MRPL19: variants seen among roughly 807,000 people sequenced by gnomAD.
MRPL19 encodes mitochondrial ribosomal protein L19, also known as large ribosomal subunit protein bL19m.
Under a neutral mutation model 34.0 loss-of-function variants are expected in MRPL19, and 31 were observed. That is an observed-to-expected ratio of 0.91 (90% CI 0.68 to 1.23). The LOEUF (loss-of-function observed/expected upper bound fraction) is 1.23. Among genes scored for constraint, MRPL19 ranks in the 50% most tolerant of loss-of-function variants. The probability of loss-of-function intolerance (pLI) is 0.00; values close to 1 mark genes in which losing one functional copy is unlikely to be tolerated. For synonymous variants in MRPL19, 152 were observed against 127.7 expected (o/e 1.19, Z -1.28); for missense variants, 384 against 367.6 (o/e 1.04, Z -0.37).
rs1678509533 is a variant in MRPL19 at position 75,658,261 on chromosome 2, A to G, written c.*2976A>G. On this transcript the variant is annotated 3_prime_UTR_variant, in exon 6 of 6. Coordinates refer to ENST00000393909, the MANE Select transcript of MRPL19 (RefSeq NM_014763.4). ...TTTTTTGTAGAGATGTGGTCTTGCT[A>G]TGTTTCCCATGCTGGTCTTGAGTTC... is the stretch of plus-strand genomic sequence containing the variant. Among the ~76,000 whole-genome samples, 1 of 152,004 alleles carries G rather than the reference A, an allele frequency of 6.6e-6. No individual in the cohort carries two copies. Among genetic ancestry groups the G allele is most frequent in the Admixed American group, 6.6e-5 (1 of 15,252 alleles).
chr2:75,660,488 C>T lies in MRPL19; in HGVS notation c.*5203C>T, dbSNP rs1349210982. The T allele has an allele frequency of 1.3e-5, 2 of 152,132 alleles. No individual in the cohort carries two copies. The highest frequency in any genetic ancestry group is 4.8e-5 in the African/African-American group (2 of 41,426). 9.4% of individuals were successfully genotyped at this position (152,132 alleles called of 1,614,324 possible). Reference sequence around the variant, plus strand: ...TGGCCCTGAAAATCAGATATTCCCCCCTTCCTGAGAGTTAGTTTTATTTTT... The same window carrying T: ...TGGCCCTGAAAATCAGATATTCCCCTCTTCCTGAGAGTTAGTTTTATTTTT... On this transcript the variant is annotated 3_prime_UTR_variant, in exon 6 of 6. Coordinates refer to ENST00000393909, the MANE Select transcript of MRPL19 (RefSeq NM_014763.4).
chr2:75,647,544 T>G, intron 2 of MRPL19: 1 of 229,000 alleles, frequency 4.4e-6, no homozygotes, highest in Non-Finnish European at 8.5e-6. Flanking sequence ...CCAAGAGCTC[T>G]TCTTTTCTCT....
rs776092649 is a variant in MRPL19 at position 75,654,759 on chromosome 2, TA to T, written c.500del (p.Tyr167LeufsTer13). On this transcript the variant is annotated frameshift_variant, in exon 5 of 6. Transcript: ENST00000393909. LOFTEE classifies it high-confidence loss of function. ...AGGTGTCGAGATTTGCTTTGAACTT[TA>T]TAATCCTCGGGTCCAGGAGATTCAG... Reference protein sequence around the residue: ...GQGVEICFELYNPRVQEIQVV... With the variant: ...GQGVEICFELXNPRVQEIQVV... 2.5e-6 allele frequency: 4 copies of T among 1,613,680 alleles called. No homozygotes were observed. Among genetic ancestry groups the T allele is most frequent in the Non-Finnish European group, 3.4e-6 (4 of 1,179,800 alleles).
intron 2 of MRPL19, chr2:75,651,255 A>G (rs987790078): frequency 1.2e-5 from 6 of 481,512 alleles, no homozygotes; most frequent in Admixed American, 8.4e-5. Flanking sequence ...TCATCCAAGG[A>G]AGAGAAAATG....
chr2:75,658,060 C>G lies in MRPL19; in HGVS notation c.*2775C>G, dbSNP rs1272956256. 6.6e-6 allele frequency among the ~76,000 whole-genome samples: 1 copy of G among 152,016 alleles called. No homozygotes were observed. Among genetic ancestry groups the G allele is most frequent in the East Asian group, 1.9e-4 (1 of 5,194 alleles). On this transcript the variant is annotated 3_prime_UTR_variant, in exon 6 of 6. Transcript: ENST00000393909. Reference sequence around the variant, plus strand: ...ACCTCATTCCTGTATCTCTCCCAACCCCAGGTAACCTCAAATCTTTCTTTT... The same window carrying G: ...ACCTCATTCCTGTATCTCTCCCAACGCCAGGTAACCTCAAATCTTTCTTTT...
rs943056238 is a variant in MRPL19, at chr2:75,659,451, T to C, written c.*4166T>C. Among the ~76,000 whole-genome samples, 28 of 152,254 alleles carry C rather than the reference T, an allele frequency of 1.8e-4. 1 individual carries two copies. Among genetic ancestry groups the C allele is most frequent in the African/African-American group, 6.5e-4 (27 of 41,556 alleles). ...CTGACTTTTATATTTGTCAATATATTTATCTTATTTTGGATCCTTATTTCA... is the reference window on the plus strand; with the variant it reads ...CTGACTTTTATATTTGTCAATATATCTATCTTATTTTGGATCCTTATTTCA... On this transcript the variant is annotated 3_prime_UTR_variant, in exon 6 of 6. Transcript: ENST00000393909.
chr2:75,646,965 G>A lies in MRPL19; in HGVS notation c.103+55G>A, dbSNP rs41285999. The A allele has an allele frequency of 1.1e-5, 16 of 1,504,172 alleles. No individual in the cohort carries two copies. In the African/African-American group the frequency reaches 2.1e-4, roughly 19 times the overall value. 93.2% of individuals were successfully genotyped at this position (1,504,172 alleles called of 1,614,324 possible). ...CGCGTTAGGGGCCCAGGGTCAGGAT[G>A]GGGGAGGCGAACCTGGAGATCAGAG... On this transcript the variant is annotated intron_variant, in intron 1 of 5. Transcript: ENST00000393909.
rs933325372 is a variant in MRPL19, at chr2:75,657,360, T to C, written c.*2075T>C. ...CCTAGAATAGAGGCTTCCAATCTCCTTCCTGGAGGGGTCTGTCCAGGAAGG... is the reference window on the plus strand; with the variant it reads ...CCTAGAATAGAGGCTTCCAATCTCCCTCCTGGAGGGGTCTGTCCAGGAAGG... On this transcript the variant is annotated 3_prime_UTR_variant, in exon 6 of 6. Coordinates refer to ENST00000393909, the MANE Select transcript of MRPL19 (RefSeq NM_014763.4). 2.0e-5 allele frequency: 3 copies of C among 152,106 alleles called. No homozygotes were observed. The highest frequency in any genetic ancestry group is 7.2e-5 in the African/African-American group (3 of 41,440). The allele number at this position is 152,106 out of a possible 1,614,324, so 9.4% of individuals were successfully genotyped here.
At chr2:75,651,521 C>G (rs1316647266) in intron 2 of MRPL19, 1 of 488,296 alleles carries the variant, frequency 2.0e-6, no homozygotes, top group Non-Finnish European at 4.1e-6. Context: ...ATAGGTGTTA[C>G]AGTTGTCAGA....
At chr2:75,647,901 T>G (rs1475897833) in intron 2 of MRPL19, among the ~76,000 whole-genome samples, 1 of 152,124 alleles carries the variant, frequency 6.6e-6, no homozygotes, top group African/African-American at 2.4e-5. Flanking sequence ...TTTTTAAATT[T>G]TTTTTAGACA....
chr2:75,649,923 C>T (rs1678297290), intron 2 of MRPL19, among the ~76,000 whole-genome samples: 1 of 152,202 alleles, frequency 6.6e-6, no homozygotes, highest in Non-Finnish European at 1.5e-5. Flanking sequence ...TAAGCTACCA[C>T]ACCTGGCTGA....
rs1319275258 is a variant in MRPL19, at chr2:75,659,671, T to G, written c.*4386T>G. Among the ~76,000 whole-genome samples the G allele has an allele frequency of 6.6e-6, 1 of 152,172 alleles. No individual in the cohort carries two copies. The highest frequency in any genetic ancestry group is 2.4e-5 in the African/African-American group (1 of 41,456). On this transcript the variant is annotated 3_prime_UTR_variant, in exon 6 of 6. Transcript: ENST00000393909. ...TGAATTTTTGGTAACAGTATTTTTCTTTCAGCACTTTAAATATGTCATCCC... is the reference window on the plus strand; with the variant it reads ...TGAATTTTTGGTAACAGTATTTTTCGTTCAGCACTTTAAATATGTCATCCC...
rs373385427 is a variant in MRPL19 at position 75,654,740 on chromosome 2, C to T, written c.480C>T (p.Val160=). 2.0e-5 allele frequency: 33 copies of T among 1,613,196 alleles called. No individual in the cohort carries two copies. The highest frequency in any genetic ancestry group is 1.3e-4 in the African/African-American group (10 of 74,956). The stretch of plus-strand genomic sequence containing the variant: ...TATGTTTTCTGTTCTATTTAGGTGT[C>T]GAGATTTGCTTTGAACTTTATAATC... ...ILRNVIEGQG[V]EICFELYNPR... is the part of the protein sequence containing the mutation. The change falls in exon 5 of 6, where the codon GTC becomes GTT. Residue 160 remains valine (V), a synonymous_variant. Transcript: ENST00000393909.
rs1447117927 is a variant in MRPL19 at position 75,647,178 on chromosome 2, G to A, written c.180G>A (p.Pro60=). ...EPGAFQPPPK[P]VIVDKHRPVE... ...GTGCGTTCCAACCGCCGCCGAAACC[G>A]GTCATCGTGGACAAGCACCGCCCCG... Residue 60 remains proline, a synonymous_variant, in exon 2 of 6, where the codon CCG becomes CCA. Coordinates refer to ENST00000393909, the MANE Select transcript of MRPL19 (RefSeq NM_014763.4). 2 of 1,580,374 alleles carry A rather than the reference G, an allele frequency of 1.3e-6. No homozygotes were observed. The highest frequency in any genetic ancestry group is 1.2e-5 in the South Asian group (1 of 86,256).
At position 75,658,716 on chromosome 2, in the gene MRPL19, TGATA is replaced by T. The variant is rs1490698424; in HGVS notation, c.*3435_*3438del. ...TGTTTTTGAGAATTGGTGTGTGGCC[TGATA>T]GATGGTCTGTCCTGGAGAATGTTCC... On this transcript the variant is annotated 3_prime_UTR_variant, in exon 6 of 6. Coordinates refer to ENST00000393909, the MANE Select transcript of MRPL19 (RefSeq NM_014763.4). 2.0e-5 allele frequency among the ~76,000 whole-genome samples: 3 copies of T among 152,152 alleles called. No homozygotes were observed. The highest frequency in any genetic ancestry group is 7.2e-5 in the African/African-American group (3 of 41,444).
At position 75,655,939 on chromosome 2, in the gene MRPL19, C is replaced by T. The variant is rs938518955; in HGVS notation, c.*654C>T. Reference sequence around the variant, plus strand: ...CAGTATTACTATTATTGCATGAAGGCTTCAAGGGAAACGTTACAGTCTTTG... The same window carrying T: ...CAGTATTACTATTATTGCATGAAGGTTTCAAGGGAAACGTTACAGTCTTTG... On this transcript the variant is annotated 3_prime_UTR_variant, in exon 6 of 6. Coordinates refer to ENST00000393909, the MANE Select transcript of MRPL19 (RefSeq NM_014763.4). The T allele has an allele frequency of 6.6e-6, 1 of 151,780 alleles. No homozygotes were observed. The highest frequency in any genetic ancestry group is 1.5e-5 in the Non-Finnish European group (1 of 67,998). 9.4% of individuals were successfully genotyped at this position (151,780 alleles called of 1,614,324 possible).
chr2:75,649,456 A>C (rs766839025), intron 2 of MRPL19, among the ~76,000 whole-genome samples: 1 of 151,482 alleles, frequency 6.6e-6, no homozygotes, highest in African/African-American at 2.4e-5. Context: ...GGTGTCTTTT[A>C]TGTGTGGCTC....
At position 75,652,576 on chromosome 2, in the gene MRPL19, C is replaced by T; in HGVS notation, c.394C>T (p.Gln132Ter). Reference sequence around the variant, plus strand: ...CCCATATGCCAGTGGAAAAATCAGCCAGTTTCTGGGGATTTGCATTCAGAG... The same window carrying T: ...CCCATATGCCAGTGGAAAAATCAGCTAGTTTCTGGGGATTTGCATTCAGAG... ...ADPYASGKIS[Q>*]FLGICIQRSG... The change falls in exon 4 of 6, where the codon CAG (glutamine) becomes TAG (stop). Residue 132 changes from glutamine to a stop codon, truncating the protein, a stop_gained. Coordinates refer to ENST00000393909, the MANE Select transcript of MRPL19 (RefSeq NM_014763.4). LOFTEE classifies it high-confidence loss of function. 3 of 1,613,766 alleles carry T rather than the reference C, an allele frequency of 1.9e-6. No homozygotes were observed. Among genetic ancestry groups the T allele is most frequent in the Non-Finnish European group, 2.5e-6 (3 of 1,179,766 alleles).
rs1350005772 is a variant in MRPL19, at chr2:75,659,043, A to G, written c.*3758A>G. On this transcript the variant is annotated 3_prime_UTR_variant, in exon 6 of 6. Coordinates refer to ENST00000393909, the MANE Select transcript of MRPL19 (RefSeq NM_014763.4). ...AGTAATTAAGGAAGGACTTTCTTCT[A>G]CCATTTAACACTTCTTCTATATGTC... Among the ~76,000 whole-genome samples the G allele has an allele frequency of 6.6e-6, 1 of 152,072 alleles. No individual in the cohort carries two copies.
Sources: allele counts gnomAD v4.1 joint callset (sites outside exome capture counted in the v4.1 genomes callset), GRCh38; gene constraint gnomAD v4.1.1; transcripts MANE v1.5; gene names NCBI Gene and HGNC (gene_info 2026-07-23, HGNC 2026-07-21).